Variants in SYTL3 observed in about 807,000 individuals in gnomAD.
The protein encoded by SYTL3 is synaptotagmin-like protein 3.
SYTL3 carries 88 observed loss-of-function variants against 82.1 expected under a neutral mutation model. The observed-to-expected ratio is 1.07, with a 90% CI of 0.90 to 1.28. The LOEUF (loss-of-function observed/expected upper bound fraction) is 1.28. Among genes scored for constraint, SYTL3 ranks in the 50% most tolerant of loss-of-function variants. The pLI is 0.00. For synonymous variants in SYTL3, 311 were observed against 289.4 expected, an observed-to-expected ratio of 1.07 and a Z score of -0.76; for missense variants, 831 against 757.6, an observed-to-expected ratio of 1.10 and a Z score of -1.14.
At chr6:158,738,635 C>T (rs1786511714) in intron 11 of SYTL3, among the ~76,000 whole-genome samples, 1 of 152,142 alleles carries the variant, frequency 6.6e-6, no homozygotes, top group Admixed American at 6.6e-5. Context: ...TACCACTTTT[C>T]TCTCCCCACC....
At chr6:158,740,784 A>G (rs2128505125) in intron 11 of SYTL3, among the ~76,000 whole-genome samples, 1 of 152,330 alleles carries the variant, frequency 6.6e-6, no homozygotes, top group South Asian at 2.1e-4. Context: ...CGTGAATTTT[A>G]TATAATTATA....
chr6:158,686,224 T>G (rs924558672), intron 6 of SYTL3, among the ~76,000 whole-genome samples: 2 of 152,186 alleles, frequency 1.3e-5, no homozygotes, highest in Non-Finnish European at 2.9e-5. Context: ...CTTTCTTGCC[T>G]TATAACTTTA....
chr6:158,746,453 A>ATTATTATTAT (rs1554263746), intron 12 of SYTL3, among the ~76,000 whole-genome samples: 2,412 of 99,416 alleles, frequency 0.024, 30 homozygotes, highest in African/African-American at 0.041. Flanking sequence ...AATAATAATA[A>ATTATTATTAT]TAATAATATT....
In SYTL3 at chr6:158,716,504, C is replaced by A. The variant is rs9456343; in HGVS notation, c.596-1583C>A. ...CTTTGTCCACTTTGAGGACCTGGTGCGTACTAGTGCCTTACGAGCTGCTGG... is the reference window on the plus strand; with the variant it reads ...CTTTGTCCACTTTGAGGACCTGGTGAGTACTAGTGCCTTACGAGCTGCTGG... On this transcript the variant is annotated intron_variant, in intron 9 of 17. Transcript: ENST00000611299. Among the ~76,000 whole-genome samples, 295 of 152,076 alleles carry A rather than the reference C, an allele frequency of 1.9e-3. 1 individual carries two copies. Among genetic ancestry groups the A allele is most frequent in the Middle Eastern group, 3.4e-3 (1 of 294 alleles).
At chr6:158,745,276 A>G (rs1037466077) in intron 11 of SYTL3, among the ~76,000 whole-genome samples, 1 of 97,124 alleles carries the variant, frequency 1.0e-5, no homozygotes, top group South Asian at 3.3e-4. Context: ...TAGGCAAGAG[A>G]GGGCCTTCTG....
Position 158,663,125 on chromosome 6 carries a change from C to T in SYTL3, c.-144C>T, listed in dbSNP as rs918755302. The T allele has an allele frequency of 3.1e-6, 2 of 647,754 alleles. No individual in the cohort carries two copies. The highest frequency in any genetic ancestry group is 3.7e-5 in the African/African-American group (2 of 54,358). The allele number at this position is 647,754 out of a possible 1,614,324, so 40.1% of individuals were successfully genotyped here. A position where few individuals can be genotyped will look rare whatever the true frequency, so the allele number is the denominator to read the frequency against. On this transcript the variant is annotated 5_prime_UTR_variant, in exon 4 of 18. Coordinates refer to ENST00000611299, the MANE Select transcript of SYTL3 (RefSeq NM_001242394.2). ...TTAAAAAGGAAAAAAGAACCACAAG[C>T]AAAACAGTTGCCAGTGAAATAGGAG...
At chr6:158,649,566 C>G (rs972945423), upstream of SYTL3, among the ~76,000 whole-genome samples, 4 of 152,222 alleles carry the variant, frequency 2.6e-5, no homozygotes, top group Non-Finnish European at 4.4e-5. Context: ...AGTAATACTA[C>G]CTAGTACACG....
upstream of SYTL3, among the ~76,000 whole-genome samples, chr6:158,647,434 C>T (rs1238084000): frequency 1.3e-5 from 2 of 152,150 alleles, no homozygotes; most frequent in East Asian, 3.8e-4. Flanking sequence ...AGGCTCTGAG[C>T]TGGGGGTTGA....
At chr6:158,700,020 C>T (rs929971538) in intron 6 of SYTL3, among the ~76,000 whole-genome samples, 1 of 151,804 alleles carries the variant, frequency 6.6e-6, no homozygotes, top group Non-Finnish European at 1.5e-5. Context: ...CTTTGGGAGG[C>T]CGAGGTGGGC....
intron 6 of SYTL3, among the ~76,000 whole-genome samples, chr6:158,691,964 C>T (rs977491296): frequency 6.1e-5 from 9 of 146,388 alleles, no homozygotes; most frequent in Admixed American, 2.7e-4. Flanking sequence ...ATTAAACTTT[C>T]TTAAGTTAAG....
chr6:158,663,156 G>A lies in SYTL3; in HGVS notation c.-113G>A. 1 of 814,414 alleles carries A rather than the reference G, an allele frequency of 1.2e-6. No homozygotes were observed. Among genetic ancestry groups the A allele is most frequent in the Non-Finnish European group, 2.0e-6 (1 of 499,742 alleles). The allele number at this position is 814,414 out of a possible 1,614,324, so 50.4% of individuals were successfully genotyped here. A position where few individuals can be genotyped will look rare whatever the true frequency, so the allele number is the denominator to read the frequency against. On this transcript the variant is annotated 5_prime_UTR_variant, in exon 4 of 18. Transcript: ENST00000611299. ...AGTTGCCAGTGAAATAGGAGAGGGAGCTCTTTAAACAAGGCTGGCTGCAGC... is the reference window on the plus strand; with the variant it reads ...AGTTGCCAGTGAAATAGGAGAGGGAACTCTTTAAACAAGGCTGGCTGCAGC...
At chr6:158,731,112 G>C (rs532981356) in intron 11 of SYTL3, among the ~76,000 whole-genome samples, 1 of 151,748 alleles carries the variant, frequency 6.6e-6, no homozygotes, top group South Asian at 2.1e-4. Context: ...GTGAAACCAT[G>C]TCTCTACTAA....
At chr6:158,680,252 C>T (rs1055717751) in intron 5 of SYTL3, among the ~76,000 whole-genome samples, 1 of 152,172 alleles carries the variant, frequency 6.6e-6, no homozygotes, top group African/African-American at 2.4e-5. Context: ...TGTTCTGCTT[C>T]CCACAAGTAC....
In SYTL3 at chr6:158,740,952, G is replaced by A. The variant is rs562856489; in HGVS notation, c.856-4528G>A. Among the ~76,000 whole-genome samples the A allele has an allele frequency of 4.6e-5, 7 of 152,302 alleles. No homozygotes were observed. In the South Asian group the frequency reaches 1.2e-3, roughly 27 times the overall value. ...AAGCATTTTCTGCATCCTTCTGGTT[G>A]TGTTTTCCCTGCACAAAGTTCTCAC... On this transcript the variant is annotated intron_variant, in intron 11 of 17. Coordinates refer to ENST00000611299, the MANE Select transcript of SYTL3 (RefSeq NM_001242394.2).
chr6:158,762,738 G>A (rs1583528111), intron 16 of SYTL3, among the ~76,000 whole-genome samples: 6 of 152,220 alleles, frequency 3.9e-5, no homozygotes, highest in East Asian at 3.9e-4. Flanking sequence ...CCAACATGAT[G>A]AAACCCCATC....
intron 11 of SYTL3, among the ~76,000 whole-genome samples, chr6:158,729,188 G>A (rs1419845908): frequency 6.6e-6 from 1 of 152,226 alleles, no homozygotes; most frequent in Non-Finnish European, 1.5e-5. Context: ...CCATGTTGCT[G>A]TAACAAAATA....
intron 11 of SYTL3, among the ~76,000 whole-genome samples, chr6:158,738,435 C>A (rs183485852): frequency 6.6e-6 from 1 of 152,152 alleles, no homozygotes; most frequent in Admixed American, 6.6e-5. Context: ...TCTTTCCCCA[C>A]CCGCAATAGA....
chr6:158,693,855 C>CTTTTTTTTTTTTTTTTTTTTTTTT lies in SYTL3; in HGVS notation c.394+10884_394+10885insTTTTTTTTTTTTTTTTTTTTTTTT, dbSNP rs575358067. ...TGCATCCAGCCTTTCTTTTTCTTTT[C>CTTTTTTTTTTTTTTTTTTTTTTTT]TTTTTTTTTTTTTTTTTTGTAGATA... On this transcript the variant is annotated intron_variant, in intron 6 of 17. Transcript: ENST00000611299. Among the ~76,000 whole-genome samples, 3 of 96,866 alleles carry CTTTTTTTTTTTTTTTTTTTTTTTT rather than the reference C, an allele frequency of 3.1e-5. 1 individual carries two copies. The highest frequency in any genetic ancestry group is 1.6e-4 in the African/African-American group (3 of 18,590). 63.5% of individuals were successfully genotyped at this position (96,866 alleles called of 152,430 possible). A position where few individuals can be genotyped will look rare whatever the true frequency, so the allele number is the denominator to read the frequency against.
intron 2 of SYTL3, among the ~76,000 whole-genome samples, chr6:158,657,734 G>A (rs1206846997): frequency 6.6e-6 from 1 of 152,104 alleles, no homozygotes; most frequent in Non-Finnish European, 1.5e-5. Flanking sequence ...GCAGACGCGG[G>A]CCATCAATAC....
Sources: gnomAD v4.1 joint callset for allele counts (sites outside exome capture counted in the v4.1 genomes callset) on GRCh38, gnomAD v4.1.1 for gene constraint, MANE v1.5 for transcripts, NCBI Gene and HGNC (gene_info 2026-07-23, HGNC 2026-07-21) for gene names.